Variants in SNRK observed in about 807,000 individuals in gnomAD.
The protein encoded by SNRK is SNF related kinase, also known as SNF-related serine/threonine-protein kinase.
SNRK carries 3 observed loss-of-function variants against 48.2 expected under a neutral mutation model. The ratio of observed to expected loss-of-function variants is 0.06; its 90% CI spans 0.03 to 0.16. The LOEUF (loss-of-function observed/expected upper bound fraction) is 0.16, where lower values mean the gene tolerates loss of function less well. SNRK is among the 10% of genes least tolerant of loss of function. The pLI, the probability that SNRK is intolerant of heterozygous loss-of-function variation, is 1.00. For missense variants in SNRK, 627 were observed against 976.0 expected (o/e 0.64, Z 4.76); for synonymous variants, 376 against 366.1 (o/e 1.03, Z -0.31).
chr3:43,345,391 C>G (rs1328663712), intron 6 of SNRK, among the ~76,000 whole-genome samples: 1 of 152,046 alleles, frequency 6.6e-6, no homozygotes, highest in African/African-American at 2.4e-5. Context: ...ACTAGCTGGG[C>G]AGGGATGGAG....
rs1425158790 is a variant in SNRK at position 43,347,268 on chromosome 3, T to C, written c.1080-71T>C. On this transcript the variant is annotated intron_variant, in intron 6 of 6. Coordinates refer to ENST00000296088, the MANE Select transcript of SNRK (RefSeq NM_017719.5). The surrounding 1 kb of genome is among the most constrained non-coding windows in gnomAD (Gnocchi z 5.4). The stretch of plus-strand genomic sequence containing the variant: ...GTAGATTTTGTCCCAGTAAGTTCAT[T>C]GTGATGTACTTTACTATCATCTGCA... 7.1e-7 allele frequency: 1 copy of C among 1,416,152 alleles called. No individual in the cohort carries two copies. The highest frequency in any genetic ancestry group is 2.3e-5 in the East Asian group (1 of 42,846). 87.7% of individuals were successfully genotyped at this position (1,416,152 alleles called of 1,614,324 possible). A position where few individuals can be genotyped will look rare whatever the true frequency, so the allele number is the denominator to read the frequency against.
chr3:43,339,379 G>A (rs2091215219), intron 4 of SNRK, among the ~76,000 whole-genome samples: 1 of 152,168 alleles, frequency 6.6e-6, no homozygotes. Context: ...ACCCAACATA[G>A]CTTGTAAAGC....
intron 3 of SNRK, among the ~76,000 whole-genome samples, chr3:43,331,317 C>T (rs1348550522): frequency 6.6e-6 from 1 of 152,052 alleles, no homozygotes; most frequent in Non-Finnish European, 1.5e-5. Flanking sequence ...ATCATTTTCC[C>T]ATATGATTGA....
intron 6 of SNRK, 55 bp downstream of exon 6, chr3:43,343,533 C>CA: frequency 7.7e-7 from 1 of 1,307,038 alleles, no homozygotes; most frequent in Non-Finnish European, 1.0e-6. Context: ...AAATAGCGAA[C>CA]TTTTTTTTTT....
intron 1 of SNRK, among the ~76,000 whole-genome samples, chr3:43,297,279 A>G (rs76918978): frequency 0.029 from 4,363 of 152,312 alleles, 205 homozygotes; most frequent in African/African-American, 0.098. Context: ...ATGAGAAGTC[A>G]TCATAGATGA....
intron 1 of SNRK, among the ~76,000 whole-genome samples, chr3:43,290,914 A>G (rs2090806760): frequency 6.6e-6 from 1 of 152,324 alleles, no homozygotes; most frequent in East Asian, 1.9e-4. Context: ...AGTGGGGGAC[A>G]CAGATTATTA....
At chr3:43,341,125 T>C (rs987602792) in intron 5 of SNRK, among the ~76,000 whole-genome samples, 1 of 152,114 alleles carries the variant, frequency 6.6e-6, no homozygotes, top group Non-Finnish European at 1.5e-5. Flanking sequence ...TTACATCCTT[T>C]AAAACCAAAG....
rs556176800 is a variant in SNRK at position 43,343,909 on chromosome 3, A to G, written c.1079+431A>G. Among the ~76,000 whole-genome samples the G allele has an allele frequency of 3.9e-5, 6 of 152,304 alleles. No individual in the cohort carries two copies. The South Asian group carries it at 1.2e-3, about 32-fold the overall frequency. ...ACTAAATAGAGTATTGCTATGCCAC[A>G]GTGTTCTCTCAGGATTTCCGGGATT... On this transcript the variant is annotated intron_variant, in intron 6 of 6. Coordinates refer to ENST00000296088, the MANE Select transcript of SNRK (RefSeq NM_017719.5).
In SNRK at chr3:43,340,572, A is replaced by T. The variant is rs1049437990; in HGVS notation, c.944+73A>T. 1.1e-5 allele frequency: 15 copies of T among 1,324,402 alleles called. No individual in the cohort carries two copies. The Admixed American group carries it at 2.3e-4, about 20-fold the overall frequency. The allele number at this position is 1,324,402 out of a possible 1,614,324, so 82.0% of individuals were successfully genotyped here. On this transcript the variant is annotated intron_variant, in intron 5 of 6. Transcript: ENST00000296088. ...GGAATGGGCTCTCTCTACTTAACACAGCCTTTGGACACCTGTGTAATAGAT... is the reference window on the plus strand; with the variant it reads ...GGAATGGGCTCTCTCTACTTAACACTGCCTTTGGACACCTGTGTAATAGAT...
At chr3:43,325,910 T>C (rs180747956) in intron 3 of SNRK, among the ~76,000 whole-genome samples, 1 of 152,274 alleles carries the variant, frequency 6.6e-6, no homozygotes, top group Admixed American at 6.5e-5. Context: ...CATGCTATTT[T>C]CATTAGGCCA....
intron 3 of SNRK, among the ~76,000 whole-genome samples, chr3:43,309,271 C>T (rs1000712496): frequency 6.6e-6 from 1 of 152,014 alleles, no homozygotes; most frequent in African/African-American, 2.4e-5. Context: ...GAAATGACAA[C>T]AAAGGATTTA....
rs2091061213 is a variant in SNRK at position 43,322,494 on chromosome 3, T to A, written c.590-9675T>A. 2.0e-5 allele frequency among the ~76,000 whole-genome samples: 3 copies of A among 152,178 alleles called. No individual in the cohort carries two copies. The South Asian group carries it at 6.2e-4, about 32-fold the overall frequency. ...TAATATAGGAAATGGTTACTATTCT[T>A]AAGGTAGAAAGAGTTCTTACAAATC... On this transcript the variant is annotated intron_variant, in intron 3 of 6. Coordinates refer to ENST00000296088, the MANE Select transcript of SNRK (RefSeq NM_017719.5).
intron 3 of SNRK, among the ~76,000 whole-genome samples, chr3:43,318,696 T>C (rs2091030907): frequency 6.6e-6 from 1 of 152,162 alleles, no homozygotes; most frequent in Non-Finnish European, 1.5e-5. Context: ...CCGAACAGAC[T>C]GAACTGTTAA....
chr3:43,311,666 T>C (rs1369616166), intron 3 of SNRK, among the ~76,000 whole-genome samples: 1 of 152,062 alleles, frequency 6.6e-6, no homozygotes, highest in Admixed American at 6.5e-5. Flanking sequence ...GTTTATTCAG[T>C]GGAAGAAGAG....
chr3:43,288,001 C>CT (rs998104180), intron 1 of SNRK, among the ~76,000 whole-genome samples: 20 of 152,232 alleles, frequency 1.3e-4, no homozygotes, highest in African/African-American at 4.1e-4. Context: ...AGACAAGTTT[C>CT]TTTTTTTAAA....
chr3:43,315,265 AT>A (rs1190991607), intron 3 of SNRK: 1 of 152,198 alleles, frequency 6.6e-6, no homozygotes, highest in Non-Finnish European at 1.5e-5. Context: ...TTAAAAAAAA[AT>A]CTGCAATTAT....
rs531785636 is a variant in SNRK, at chr3:43,338,451, A to G, written c.732-1836A>G. On this transcript the variant is annotated intron_variant, in intron 4 of 6. Transcript: ENST00000296088. Reference sequence around the variant, plus strand: ...GTTGCTGTTGAGAAGTCAGCTGTCCATCTTATCATCTTCTTGTCTCCACGT... The same window carrying G: ...GTTGCTGTTGAGAAGTCAGCTGTCCGTCTTATCATCTTCTTGTCTCCACGT... Among the ~76,000 whole-genome samples, 4 of 152,362 alleles carry G rather than the reference A, an allele frequency of 2.6e-5. No individual in the cohort carries two copies. The East Asian group carries it at 5.8e-4, about 22-fold the overall frequency.
At position 43,347,685 on chromosome 3, in the gene SNRK, C is replaced by T. The variant is rs765908830; in HGVS notation, c.1426C>T (p.Arg476Cys). The change falls in exon 7 of 7, where the codon CGC becomes TGC. Residue 476 changes from arginine (R) to cysteine (C), a missense_variant. By Grantham distance (180) the Arg-to-Cys change is radical (BLOSUM62 -3). Coordinates refer to ENST00000296088, the MANE Select transcript of SNRK (RefSeq NM_017719.5). The surrounding 1 kb of genome is among the most constrained non-coding windows in gnomAD (Gnocchi z 5.4). ...GCGCCGGAAGCCATCTGTAACCAAC[C>T]GCCTGACATCCAGGAAGAGTGCGCC... ...VLRRKPSVTNRLTSRKSAPVL... is the reference protein window; with the variant it reads ...VLRRKPSVTNCLTSRKSAPVL... 3.7e-6 allele frequency: 6 copies of T among 1,613,744 alleles called. No homozygotes were observed. Among genetic ancestry groups the T allele is most frequent in the South Asian group, 1.1e-5 (1 of 91,072 alleles).
At chr3:43,294,080 C>T (rs913385655) in intron 1 of SNRK, among the ~76,000 whole-genome samples, 1 of 152,134 alleles carries the variant, frequency 6.6e-6, no homozygotes, top group Non-Finnish European at 1.5e-5. Context: ...ATTTAACCAT[C>T]TCCTTATTGT....
Sources: gnomAD v4.1 joint callset for allele counts (sites outside exome capture counted in the v4.1 genomes callset) on GRCh38, gnomAD v4.1.1 for gene constraint, Gnocchi (gnomAD v3.1) non-coding constraint, MANE v1.5 for transcripts, NCBI Gene and HGNC (gene_info 2026-07-23, HGNC 2026-07-21) for gene names.